CCDC85A: variants seen among roughly 807,000 people sequenced by gnomAD.
CCDC85A encodes coiled-coil domain-containing protein 85A.
CCDC85A carries 38 observed loss-of-function variants against 50.2 expected under a neutral mutation model. The observed-to-expected ratio is 0.76, with a 90% CI of 0.58 to 0.99. CCDC85A has a LOEUF of 0.99. Among genes scored for constraint, CCDC85A ranks in the 50% least tolerant of loss-of-function variants. The probability of loss-of-function intolerance (pLI) is 0.00; values close to 1 mark genes in which losing one functional copy is unlikely to be tolerated. For synonymous variants in CCDC85A, 366 were observed against 301.4 expected, an observed-to-expected ratio of 1.21 and a Z score of -2.22; for missense variants, 820 against 742.0, an observed-to-expected ratio of 1.11 and a Z score of -1.22.
chr2:56,312,209 A>G (rs1413094626), intron 2 of CCDC85A, among the ~76,000 whole-genome samples: 2 of 152,086 alleles, frequency 1.3e-5, no homozygotes, highest in South Asian at 2.1e-4. Flanking sequence ...AACATCTATC[A>G]AGCACCCTGA....
chr2:56,378,630 C>G (rs1676447051), intron 5 of CCDC85A, among the ~76,000 whole-genome samples: 1 of 152,108 alleles, frequency 6.6e-6, no homozygotes, highest in Non-Finnish European at 1.5e-5. Context: ...ATAATAATGG[C>G]TAGACGTTTC....
intron 2 of CCDC85A, among the ~76,000 whole-genome samples, chr2:56,263,718 G>A (rs1670316228): frequency 6.6e-6 from 1 of 152,224 alleles, no homozygotes. Flanking sequence ...TGGCTCTTAG[G>A]AACTGCAAGT....
At chr2:56,294,104 A>G (rs966997494) in intron 2 of CCDC85A, among the ~76,000 whole-genome samples, 1 of 152,190 alleles carries the variant, frequency 6.6e-6, no homozygotes, top group Non-Finnish European at 1.5e-5. Flanking sequence ...ATATTGTGCA[A>G]CCATAAAATG....
At chr2:56,194,736 T>C (rs1483867781) in intron 2 of CCDC85A, among the ~76,000 whole-genome samples, 1 of 152,234 alleles carries the variant, frequency 6.6e-6, no homozygotes, top group African/African-American at 2.4e-5. Flanking sequence ...GCTACTGCTT[T>C]CTCTGTCGTT....
At chr2:56,255,054 G>A (rs1669923666) in intron 2 of CCDC85A, among the ~76,000 whole-genome samples, 2 of 152,148 alleles carry the variant, frequency 1.3e-5, no homozygotes, top group Admixed American at 1.3e-4. Flanking sequence ...CCCTCTCTGA[G>A]CATTGCTGTT....
At chr2:56,188,642 G>A (rs780455108) in intron 1 of CCDC85A, among the ~76,000 whole-genome samples, 5 of 152,184 alleles carry the variant, frequency 3.3e-5, no homozygotes, top group African/African-American at 4.8e-5. Context: ...CTTTGTTATT[G>A]TTTTCTCCAA....
chr2:56,337,512 A>T (rs1411261899), intron 2 of CCDC85A, among the ~76,000 whole-genome samples: 1 of 152,100 alleles, frequency 6.6e-6, no homozygotes, highest in Non-Finnish European at 1.5e-5. Context: ...CTTTTCCGTC[A>T]TGTGATTCCT....
At chr2:56,316,048 A>G (rs907586133) in intron 2 of CCDC85A, among the ~76,000 whole-genome samples, 6 of 152,112 alleles carry the variant, frequency 3.9e-5, no homozygotes, top group Admixed American at 1.3e-4. Flanking sequence ...GTGTTGGGAC[A>G]CCTGGATTCA....
intron 3 of CCDC85A, among the ~76,000 whole-genome samples, chr2:56,354,935 TC>T (rs1345522602): frequency 2.6e-5 from 4 of 152,192 alleles, no homozygotes; most frequent in Non-Finnish European, 4.4e-5. Flanking sequence ...AGATTGTGTT[TC>T]CTCAGGCCAC....
At chr2:56,346,538 C>A (rs538550774) in intron 3 of CCDC85A, among the ~76,000 whole-genome samples, 1 of 152,270 alleles carries the variant, frequency 6.6e-6, no homozygotes, top group East Asian at 1.9e-4. Context: ...TGTAGAGCTC[C>A]TTGATCTGCC....
intron 2 of CCDC85A, among the ~76,000 whole-genome samples, chr2:56,258,830 A>G (rs893023703): frequency 2.0e-5 from 3 of 152,224 alleles, no homozygotes; most frequent in African/African-American, 7.2e-5. Flanking sequence ...TTGAAGCAGA[A>G]TGAAAGGAAA....
intron 2 of CCDC85A, among the ~76,000 whole-genome samples, chr2:56,243,240 G>A (rs1184149019): frequency 1.3e-5 from 2 of 152,094 alleles, no homozygotes; most frequent in East Asian, 3.9e-4. Flanking sequence ...GTTTCTTTCT[G>A]TACCTCCTCT....
chr2:56,374,159 G>A (rs773973088), intron 4 of CCDC85A, among the ~76,000 whole-genome samples: 67 of 152,252 alleles, frequency 4.4e-4, no homozygotes, highest in Non-Finnish European at 6.8e-4. Flanking sequence ...AGTTTTAGTA[G>A]CAATGGAGGA....
chr2:56,216,345 G>T (rs182019714), intron 2 of CCDC85A, among the ~76,000 whole-genome samples: 1 of 151,660 alleles, frequency 6.6e-6, no homozygotes, highest in East Asian at 1.9e-4. Flanking sequence ...TGTGGCTGAA[G>T]CTCCTTATTG....
At chr2:56,339,131 T>A (rs1674229916) in intron 2 of CCDC85A, among the ~76,000 whole-genome samples, 1 of 152,234 alleles carries the variant, frequency 6.6e-6, no homozygotes. Flanking sequence ...ACTGGCTTTA[T>A]CTTCATCCTA....
At chr2:56,303,551 C>A (rs1376162173) in intron 2 of CCDC85A, among the ~76,000 whole-genome samples, 1 of 151,956 alleles carries the variant, frequency 6.6e-6, no homozygotes, top group African/African-American at 2.4e-5. Flanking sequence ...TAAAGGGCAC[C>A]AAGCAGGAAA....
At chr2:56,377,230 G>C (rs1676377493) in intron 5 of CCDC85A, among the ~76,000 whole-genome samples, 2 of 152,160 alleles carry the variant, frequency 1.3e-5, no homozygotes, top group South Asian at 4.1e-4. Flanking sequence ...GCCAGTGTGA[G>C]GGGGCACTGC....
rs570731576 is a variant in CCDC85A, at chr2:56,267,503, C to G, written c.1240+74063C>G. On this transcript the variant is annotated intron_variant, in intron 2 of 5. Coordinates refer to ENST00000407595, the MANE Select transcript of CCDC85A (RefSeq NM_001080433.2). ...TATTTAAAAAGATATTTGGTATATT[C>G]AACATAGTACACAGGCCCTTGAGTT... Among the ~76,000 whole-genome samples, 7 of 152,228 alleles carry G rather than the reference C, an allele frequency of 4.6e-5. No homozygotes were observed. The East Asian group carries it at 1.4e-3, about 29-fold the overall frequency.
rs550753611 is a variant in CCDC85A at position 56,311,024 on chromosome 2, G to C, written c.1241-31855G>C. ...CTTTTGATATTCACATTTCCCCTAA[G>C]TTCAACGACAGTGTCCTTAGACCTT... On this transcript the variant is annotated intron_variant, in intron 2 of 5. Coordinates refer to ENST00000407595, the MANE Select transcript of CCDC85A (RefSeq NM_001080433.2). 3.9e-5 allele frequency among the ~76,000 whole-genome samples: 6 copies of C among 152,228 alleles called. No individual in the cohort carries two copies. In the South Asian group the frequency reaches 1.2e-3, roughly 32 times the overall value.
Sources: allele counts gnomAD v4.1 joint callset (sites outside exome capture counted in the v4.1 genomes callset), GRCh38; gene constraint gnomAD v4.1.1; transcripts MANE v1.5; gene names NCBI Gene and HGNC (gene_info 2026-07-23, HGNC 2026-07-21).